Variants in HPSE2 observed in about 807,000 individuals in gnomAD.
The protein encoded by HPSE2 is heparanase 2 (inactive).
Under a neutral mutation model 60.5 loss-of-function variants are expected in HPSE2, and 38 were observed. That is an observed-to-expected ratio of 0.63 (90% CI 0.48 to 0.82). HPSE2 has a LOEUF of 0.82. Ranked by LOEUF, HPSE2 falls within the 40% of genes least tolerant of loss-of-function variation. HPSE2 has a pLI of 0.00. For missense variants in HPSE2, 713 were observed against 740.4 expected, an observed-to-expected ratio of 0.96 and a Z score of 0.43; for synonymous variants, 295 against 293.2, an observed-to-expected ratio of 1.01 and a Z score of -0.06.
the HPSE2 span, among the ~76,000 whole-genome samples, chr10:99,246,670 CA>C: frequency 6.6e-6 from 1 of 151,748 alleles, no homozygotes; most frequent in Admixed American, 6.6e-5. Context: ...TTGCTCAAAC[CA>C]GGGAGGCAGA....
Position 98,631,689 on chromosome 10 carries a change from T to A in HPSE2, c.1098+10158A>T, listed in dbSNP as rs529086316. Among the ~76,000 whole-genome samples, 4 of 152,338 alleles carry A rather than the reference T, an allele frequency of 2.6e-5. No homozygotes were observed. In the East Asian group the frequency reaches 7.7e-4, roughly 29 times the overall value. On this transcript the variant is annotated intron_variant, in intron 7 of 11. Transcript: ENST00000370552. ...CCTCCAAATGTCCATGGGTAGCACA[T>A]ACCTTCTTCACATTGTCATTGCCTT...
chr10:99,005,780 C>T (rs1342786837), intron 3 of HPSE2, among the ~76,000 whole-genome samples: 1 of 152,172 alleles, frequency 6.6e-6, no homozygotes, highest in Non-Finnish European at 1.5e-5. Flanking sequence ...TTGGAATTCA[C>T]TCTAGTTTTT....
rs770699941 is a variant in HPSE2 at position 99,072,927 on chromosome 10, C to CAA, written c.610+71309_610+71310dup. On this transcript the variant is annotated intron_variant, in intron 3 of 11. Transcript: ENST00000370552. ...CTGGTGACAGAGCCAGGCTCCGTCT[C>CAA]AAAAAAAAAAAAAAAAAAAAAAAAA... is the stretch of plus-strand genomic sequence containing the variant. Among the ~76,000 whole-genome samples the CAA allele has an allele frequency of 8.6e-4, 76 of 88,024 alleles. 10 individuals carry two copies. The highest frequency in any genetic ancestry group is 4.0e-3 in the African/African-American group (62 of 15,556). 57.7% of individuals were successfully genotyped at this position (88,024 alleles called of 152,430 possible). A position where few individuals can be genotyped will look rare whatever the true frequency, so the allele number is the denominator to read the frequency against.
intron 9 of HPSE2, among the ~76,000 whole-genome samples, chr10:98,541,249 A>G (rs1564951924): frequency 6.6e-6 from 1 of 152,230 alleles, no homozygotes; most frequent in South Asian, 2.1e-4. Context: ...AATGTACTGC[A>G]TAAGACAAAT....
Position 99,102,635 on chromosome 10 carries a change from C to G in HPSE2, c.610+41603G>C, listed in dbSNP as rs12247420. Among the ~76,000 whole-genome samples, 553 of 152,072 alleles carry G rather than the reference C, an allele frequency of 3.6e-3. 1 individual carries two copies. The highest frequency in any genetic ancestry group is 5.5e-3 in the Non-Finnish European group (374 of 67,974). The stretch of plus-strand genomic sequence containing the variant: ...GAATCCTCCCTAACTCATTTTATGA[C>G]GCCAGCATCATCCTGATACCAAAGC... On this transcript the variant is annotated intron_variant, in intron 3 of 11. Transcript: ENST00000370552.
chr10:99,087,601 C>G lies in HPSE2; in HGVS notation c.610+56637G>C, dbSNP rs72838833. Among the ~76,000 whole-genome samples the G allele has an allele frequency of 1.7e-3, 256 of 152,264 alleles. 1 individual carries two copies. The highest frequency in any genetic ancestry group is 4.9e-3 in the Admixed American group (75 of 15,292). On this transcript the variant is annotated intron_variant, in intron 3 of 11. Coordinates refer to ENST00000370552, the MANE Select transcript of HPSE2 (RefSeq NM_021828.5). ...ATGAAGGCTGCGATCAAGTGAAAAGCTACATGCGTAACCGGGTGGGATCCT... is the reference window on the plus strand; with the variant it reads ...ATGAAGGCTGCGATCAAGTGAAAAGGTACATGCGTAACCGGGTGGGATCCT...
At chr10:98,561,167 TC>T (rs66974498) in intron 9 of HPSE2, among the ~76,000 whole-genome samples, 9 of 146,018 alleles carry the variant, frequency 6.2e-5, no homozygotes, top group Non-Finnish European at 1.2e-4. Context: ...TTTTTTTTGT[TC>T]TTTTTTTTGT....
intron 3 of HPSE2, among the ~76,000 whole-genome samples, chr10:99,130,400 TA>T (rs1845335597): frequency 6.6e-6 from 1 of 152,088 alleles, no homozygotes; most frequent in Admixed American, 6.5e-5. Context: ...GCTAACCAAA[TA>T]CAACAGCATA....
At chr10:99,053,343 C>T (rs1430441443) in intron 3 of HPSE2, among the ~76,000 whole-genome samples, 2 of 149,884 alleles carry the variant, frequency 1.3e-5, no homozygotes, top group African/African-American at 4.8e-5. Flanking sequence ...ATATTGTAAT[C>T]TCTAGAGCAA....
chr10:98,960,353 G>A (rs1955620218), intron 3 of HPSE2, among the ~76,000 whole-genome samples: 1 of 151,990 alleles, frequency 6.6e-6, no homozygotes, highest in Non-Finnish European at 1.5e-5. Flanking sequence ...TGTTTATACT[G>A]TCTTTATTTT....
At chr10:99,153,930 A>G (rs1319241699) in intron 2 of HPSE2, among the ~76,000 whole-genome samples, 2 of 152,056 alleles carry the variant, frequency 1.3e-5, no homozygotes, top group Admixed American at 1.3e-4. Flanking sequence ...GCTGAAAACC[A>G]AGGCTCGAGA....
chr10:98,649,343 G>A (rs1946856494), intron 6 of HPSE2, among the ~76,000 whole-genome samples: 1 of 152,142 alleles, frequency 6.6e-6, no homozygotes, highest in Non-Finnish European at 1.5e-5. Context: ...TACATATAGT[G>A]TCATTTAATC....
chr10:99,001,762 A>G (rs1956781850), intron 3 of HPSE2, among the ~76,000 whole-genome samples: 1 of 152,136 alleles, frequency 6.6e-6, no homozygotes, highest in Admixed American at 6.6e-5. Flanking sequence ...TAATGTTATG[A>G]GTAAAAAATA....
intron 3 of HPSE2, among the ~76,000 whole-genome samples, chr10:98,923,487 C>T (rs75113894): frequency 6.6e-6 from 1 of 152,124 alleles, no homozygotes; most frequent in Non-Finnish European, 1.5e-5. Flanking sequence ...CTTTCTATCC[C>T]TATCTCTTTC....
intron 3 of HPSE2, among the ~76,000 whole-genome samples, chr10:99,049,355 T>C (rs1957936628): frequency 6.6e-6 from 1 of 152,124 alleles, no homozygotes; most frequent in Admixed American, 6.5e-5. Context: ...GAAAAAATAT[T>C]TGAAGAAACA....
At chr10:98,608,297 T>C (rs1358170968) in intron 9 of HPSE2, among the ~76,000 whole-genome samples, 35 of 152,190 alleles carry the variant, frequency 2.3e-4, no homozygotes, top group Non-Finnish European at 7.3e-5. Context: ...GGTGTGCATT[T>C]TGAGCTTGCA....
intron 3 of HPSE2, among the ~76,000 whole-genome samples, chr10:98,957,173 A>C (rs1247359155): frequency 2.6e-5 from 4 of 152,196 alleles, no homozygotes; most frequent in Non-Finnish European, 4.4e-5. Context: ...AAGTTTGGCA[A>C]GAAAGTCTGA....
intron 3 of HPSE2, among the ~76,000 whole-genome samples, chr10:98,981,851 C>G (rs183208719): frequency 1.1e-3 from 171 of 152,106 alleles, no homozygotes; most frequent in African/African-American, 3.9e-3. Flanking sequence ...ATATTCTTTC[C>G]CATTTCCCTA....
chr10:99,047,604 T>G lies in HPSE2; in HGVS notation c.610+96634A>C, dbSNP rs1957885624. On this transcript the variant is annotated intron_variant, in intron 3 of 11. Transcript: ENST00000370552. ...CTAATAGCCAGAATCTATAAGGGAC[T>G]TAAATCAACAAGCAGCTCTTTTCTG... 4 of 652,254 alleles carry G rather than the reference T, an allele frequency of 6.1e-6. No individual in the cohort carries two copies. The East Asian group carries it at 1.0e-4, about 16-fold the overall frequency. The allele number at this position is 652,254 out of a possible 1,614,324, so 40.4% of individuals were successfully genotyped here.
Sources: allele counts gnomAD v4.1 joint callset (sites outside exome capture counted in the v4.1 genomes callset), GRCh38; gene constraint gnomAD v4.1.1; transcripts MANE v1.5; gene names NCBI Gene and HGNC (gene_info 2026-07-23, HGNC 2026-07-21).